The following PTPN13 variants were observed in gnomAD, a reference collection of about 807,000 sequenced individuals.
PTPN13 encodes the protein tyrosine-protein phosphatase non-receptor type 13.
PTPN13 carries 191 observed loss-of-function variants against 284.0 expected under a neutral mutation model. The ratio of observed to expected loss-of-function variants is 0.67; its 90% CI spans 0.60 to 0.76. The LOEUF (loss-of-function observed/expected upper bound fraction) is 0.76, where lower values mean the gene tolerates loss of function less well. Ranked by LOEUF, PTPN13 falls within the 30% of genes least tolerant of loss-of-function variation. PTPN13 has a pLI of 0.00. For synonymous variants in PTPN13, 986 were observed against 1,022.3 expected (o/e 0.96, Z 0.68); for missense variants, 2,797 against 2,939.9 (o/e 0.95, Z 1.12).
intron 6 of PTPN13, among the ~76,000 whole-genome samples, chr4:86,694,140 T>C (rs1730338402): frequency 6.6e-6 from 1 of 151,922 alleles, no homozygotes; most frequent in Non-Finnish European, 1.5e-5. Flanking sequence ...ATAGATTTTA[T>C]CATGGAGTTA....
chr4:86,777,305 CCTTGGTTTATGG>C (rs780200483), intron 35 of PTPN13, among the ~76,000 whole-genome samples: 2 of 152,088 alleles, frequency 1.3e-5, no homozygotes, highest in Non-Finnish European at 2.9e-5. Context: ...TCCCCATACA[CCTTGGTTTATGG>C]CTCACTTCCA....
At chr4:86,733,730 C>G (rs1735201336) in intron 12 of PTPN13, among the ~76,000 whole-genome samples, 1 of 152,078 alleles carries the variant, frequency 6.6e-6, no homozygotes, top group Non-Finnish European at 1.5e-5. Flanking sequence ...TAATTTCTTA[C>G]AGATTCTGGT....
intron 7 of PTPN13, among the ~76,000 whole-genome samples, chr4:86,710,211 G>T (rs1431053647): frequency 1.3e-5 from 2 of 152,088 alleles, no homozygotes; most frequent in African/African-American, 4.8e-5. Flanking sequence ...TTAAAAATGT[G>T]AGATTTTAAA....
chr4:86,806,681 G>A (rs1421007311), intron 44 of PTPN13, among the ~76,000 whole-genome samples: 1 of 152,180 alleles, frequency 6.6e-6, no homozygotes, highest in Non-Finnish European at 1.5e-5. Flanking sequence ...TATGGACTAA[G>A]AGAAAGAAGT....
intron 40 of PTPN13, among the ~76,000 whole-genome samples, chr4:86,795,293 C>T (rs1002859945): frequency 6.6e-6 from 1 of 152,194 alleles, no homozygotes; most frequent in East Asian, 1.9e-4. Context: ...AAAAAATGCT[C>T]ATCATCACTG....
rs1000906152 is a variant in PTPN13, at chr4:86,799,236, A to T, written c.6505+32A>T. On this transcript the variant is annotated intron_variant, in intron 42 of 47. Transcript: ENST00000411767. ...ATTTTAATGACAGTTTTTTCCTCAAAAATAATGAATTGGAAAAATGTTTTT... is the reference window on the plus strand; with the variant it reads ...ATTTTAATGACAGTTTTTTCCTCAATAATAATGAATTGGAAAAATGTTTTT... The T allele has an allele frequency of 1.0e-5, 14 of 1,341,504 alleles. No individual in the cohort carries two copies. In the African/African-American group the frequency reaches 2.1e-4, roughly 20 times the overall value. The allele number at this position is 1,341,504 out of a possible 1,614,324, so 83.1% of individuals were successfully genotyped here.
intron 2 of PTPN13, among the ~76,000 whole-genome samples, chr4:86,670,638 A>T (rs982767997): frequency 6.6e-6 from 1 of 152,102 alleles, no homozygotes; most frequent in Admixed American, 6.5e-5. Context: ...TTGTCTTCCT[A>T]ATTGGTCTCC....
intron 20 of PTPN13, among the ~76,000 whole-genome samples, chr4:86,754,749 G>A (rs1737781372): frequency 6.6e-6 from 1 of 152,048 alleles, no homozygotes; most frequent in Non-Finnish European, 1.5e-5. Context: ...AGATTATGAT[G>A]AAAAAGAATA....
intron 6 of PTPN13, among the ~76,000 whole-genome samples, chr4:86,697,354 A>T (rs747465221): frequency 6.6e-6 from 1 of 152,148 alleles, no homozygotes; most frequent in Non-Finnish European, 1.5e-5. Flanking sequence ...AGATGGAAAG[A>T]TGTATGCAAA....
At chr4:86,785,463 C>T (rs560482383) in intron 39 of PTPN13, 95 bp downstream of exon 39, 2 of 1,067,832 alleles carry the variant, frequency 1.9e-6, no homozygotes, top group African/African-American at 3.3e-5. Context: ...ATTAGTTCTT[C>T]TTCTGTTCCT....
At chr4:86,673,011 T>A (rs1250530683) in intron 3 of PTPN13, among the ~76,000 whole-genome samples, 2 of 152,206 alleles carry the variant, frequency 1.3e-5, no homozygotes, top group African/African-American at 4.8e-5. Flanking sequence ...ATAAGAAGCA[T>A]GCAGCCTCAG....
rs546313522 is a variant in PTPN13, at chr4:86,773,062, A to G, written c.5349+104A>G. On this transcript the variant is annotated intron_variant, in intron 32 of 47. Transcript: ENST00000411767. ...AAAAAGCTATCTTTAAAATAGCTTC[A>G]TATGTGTGTCTAATAAATGGATAAC... 2.2e-5 allele frequency: 18 copies of G among 814,650 alleles called. No homozygotes were observed. In the Admixed American group the frequency reaches 4.1e-4, roughly 19 times the overall value. The allele number at this position is 814,650 out of a possible 1,614,324, so 50.5% of individuals were successfully genotyped here.
At chr4:86,791,224 C>G (rs1047259281) in intron 40 of PTPN13, among the ~76,000 whole-genome samples, 1 of 152,204 alleles carries the variant, frequency 6.6e-6, no homozygotes, top group Admixed American at 6.5e-5. Context: ...CCCAAGCCCA[C>G]GGAGCCTTGC....
At chr4:86,709,062 C>T (rs957461248) in intron 7 of PTPN13, among the ~76,000 whole-genome samples, 1 of 151,428 alleles carries the variant, frequency 6.6e-6, no homozygotes, top group Non-Finnish European at 1.5e-5. Flanking sequence ...AATACATACA[C>T]ACACACATAC....
chr4:86,717,234 G>C, intron 9 of PTPN13, 117 bp downstream of exon 9: 1 of 671,846 alleles, frequency 1.5e-6, no homozygotes, highest in Admixed American at 2.8e-5. Context: ...TGTTGCCTAA[G>C]CTGGAGTGCA....
At position 86,597,008 on chromosome 4, in the gene PTPN13, A is replaced by G. The variant is rs529685293; in HGVS notation, c.-6+2219A>G. On this transcript the variant is annotated intron_variant, in intron 1 of 47. Transcript: ENST00000411767. ...TTTGGGAGAACTCTGTGTAGTTCAA[A>G]GTATTCTCCTGTTTGCCTCTGATGC... Among the ~76,000 whole-genome samples the G allele has an allele frequency of 4.6e-5, 7 of 152,258 alleles. No homozygotes were observed. In the South Asian group the frequency reaches 1.5e-3, roughly 32 times the overall value.
chr4:86,723,958 A>T (rs10470933), intron 10 of PTPN13, among the ~76,000 whole-genome samples: 12,445 of 152,232 alleles, frequency 0.082, 646 homozygotes, highest in Non-Finnish European at 0.11. Flanking sequence ...TGCTCTGAAG[A>T]TAATAGAATT....
At chr4:86,665,155 T>C (rs1726922831) in intron 2 of PTPN13, among the ~76,000 whole-genome samples, 2 of 152,178 alleles carry the variant, frequency 1.3e-5, no homozygotes, top group Non-Finnish European at 2.9e-5. Context: ...GCCTAATTGA[T>C]CAGTAGCCAT....
chr4:86,798,501 T>G (rs1743617306), intron 41 of PTPN13, among the ~76,000 whole-genome samples: 1 of 152,186 alleles, frequency 6.6e-6, no homozygotes, highest in East Asian at 1.9e-4. Flanking sequence ...TTTTACGTAA[T>G]CCTTTTTCAC....
Sources: gnomAD v4.1 joint callset for allele counts (sites outside exome capture counted in the v4.1 genomes callset) on GRCh38, gnomAD v4.1.1 for gene constraint, MANE v1.5 for transcripts, NCBI Gene and HGNC (gene_info 2026-07-23, HGNC 2026-07-21) for gene names.